PPARGC1B: variants seen among roughly 807,000 people sequenced by gnomAD.
PPARGC1B encodes the protein PPARG coactivator 1 beta, also known as peroxisome proliferator-activated receptor gamma coactivator 1-beta.
Under a neutral mutation model 101.6 loss-of-function variants are expected in PPARGC1B, and 34 were observed. That is an observed-to-expected ratio of 0.33 (90% CI 0.25 to 0.45). PPARGC1B has a LOEUF of 0.45. Among genes scored for constraint, PPARGC1B ranks in the 20% least tolerant of loss-of-function variants. The probability of loss-of-function intolerance (pLI) is 1.00; values close to 1 mark genes in which losing one functional copy is unlikely to be tolerated. For synonymous variants in PPARGC1B, 548 were observed against 539.3 expected, an observed-to-expected ratio of 1.02 and a Z score of -0.22; for missense variants, 1,234 against 1,317.6, an observed-to-expected ratio of 0.94 and a Z score of 0.98.
intron 1 of PPARGC1B, among the ~76,000 whole-genome samples, chr5:149,741,319 C>T (rs566511029): frequency 6.6e-5 from 10 of 152,334 alleles, no homozygotes; most frequent in East Asian, 5.8e-4. Flanking sequence ...CGTGGCTGCT[C>T]GCGCCTTTAT....
chr5:149,833,701 C>A lies in PPARGC1B; in HGVS notation c.1628C>A (p.Pro543His). Residue 543 changes from proline (P) to histidine (H), a missense_variant, in exon 5 of 12, where the codon CCT becomes CAT. Physicochemically the swap from Pro to His is moderately conservative, Grantham distance 77. Around this residue, in one of 3 missense-constraint regions of PPARGC1B, gnomAD observed 734 missense variants for 768.4 expected, o/e 0.96. Coordinates refer to ENST00000309241, the MANE Select transcript of PPARGC1B (RefSeq NM_133263.4). This position sits in a 1 kb window ranked among gnomAD's most constrained non-coding sequence, Gnocchi z 4.1. ...DQQLLRGPQI[P>H]ALESPCESGC... ...CAGCTCCTACGGGGACCCCAGATCCCTGCCCTGGAGAGCCCCTGTGAGAGT... is the reference window on the plus strand; with the variant it reads ...CAGCTCCTACGGGGACCCCAGATCCATGCCCTGGAGAGCCCCTGTGAGAGT... 6.2e-7 allele frequency: 1 copy of A among 1,606,996 alleles called. No homozygotes were observed. Among genetic ancestry groups the A allele is most frequent in the East Asian group, 2.2e-5 (1 of 44,720 alleles).
intron 1 of PPARGC1B, among the ~76,000 whole-genome samples, chr5:149,812,639 G>A (rs944259984): frequency 2.0e-5 from 3 of 152,182 alleles, no homozygotes; most frequent in South Asian, 4.1e-4. Context: ...TGGATCTGCC[G>A]TCCCTGCTCT....
intron 1 of PPARGC1B, chr5:149,817,832 A>C (rs775679750): frequency 4.4e-6 from 2 of 456,744 alleles, no homozygotes; most frequent in Admixed American, 4.7e-5. Flanking sequence ...ACTTACACAC[A>C]TGCTTACCAT....
intron 1 of PPARGC1B, among the ~76,000 whole-genome samples, chr5:149,756,469 A>G (rs1755524572): frequency 6.6e-6 from 1 of 152,156 alleles, no homozygotes; most frequent in African/African-American, 2.4e-5. Context: ...AAAACAAAAA[A>G]CAAAAAACCA....
In PPARGC1B at chr5:149,845,263, T is replaced by A. The variant is rs997405238; in HGVS notation, c.2817-497T>A. ...AGATGGCAGCCAAGGAATTGGTGAC[T>A]GAGGCTGGCTTTGAAGGAGGCAGAA... On this transcript the variant is annotated intron_variant, in intron 10 of 11. Coordinates refer to ENST00000309241, the MANE Select transcript of PPARGC1B (RefSeq NM_133263.4). Among the ~76,000 whole-genome samples the A allele has an allele frequency of 2.0e-5, 3 of 152,204 alleles. No homozygotes were observed. The South Asian group carries it at 6.2e-4, about 31-fold the overall frequency.
chr5:149,845,137 A>G (rs898565210), intron 10 of PPARGC1B, among the ~76,000 whole-genome samples: 2 of 152,172 alleles, frequency 1.3e-5, no homozygotes, highest in Admixed American at 6.5e-5. Context: ...CTGTTGTCAG[A>G]GGAAGGGGAG....
intron 11 of PPARGC1B, 140 bp from the exon 12 acceptor site, chr5:149,847,318 C>A: frequency 1.3e-6 from 1 of 781,306 alleles, no homozygotes; most frequent in Non-Finnish European, 2.4e-6. Flanking sequence ...CACAGTCCAG[C>A]GCTCATCCCA....
chr5:149,842,772 C>T (rs959087308), intron 10 of PPARGC1B, among the ~76,000 whole-genome samples: 13 of 152,196 alleles, frequency 8.5e-5, no homozygotes, highest in African/African-American at 1.4e-4. Flanking sequence ...GGAGATAGTG[C>T]GGGGCAGCAG....
Position 149,832,529 on chromosome 5 carries a change from T to C in PPARGC1B, c.583-127T>C. The C allele has an allele frequency of 2.6e-6, 2 of 760,638 alleles. No homozygotes were observed. The highest frequency in any genetic ancestry group is 4.2e-6 in the Non-Finnish European group (2 of 479,508). 47.1% of individuals were successfully genotyped at this position (760,638 alleles called of 1,614,324 possible). On this transcript the variant is annotated intron_variant, in intron 4 of 11. Coordinates refer to ENST00000309241, the MANE Select transcript of PPARGC1B (RefSeq NM_133263.4). The surrounding 1 kb of genome is among the most constrained non-coding windows in gnomAD (Gnocchi z 4.9). Reference sequence around the variant, plus strand: ...TCTGTGTGGGAAGCTGGGGACGGAATGAAGGAAACCTGGCTGTTCCTATGA... The same window carrying C: ...TCTGTGTGGGAAGCTGGGGACGGAACGAAGGAAACCTGGCTGTTCCTATGA...
intron 3 of PPARGC1B, among the ~76,000 whole-genome samples, chr5:149,829,963 A>G (rs1230949471): frequency 2.3e-5 from 3 of 129,202 alleles, no homozygotes; most frequent in Non-Finnish European, 4.7e-5. Context: ...TGAACCCGTG[A>G]GGTGGAGGTT....
At chr5:149,786,074 T>C (rs972382508) in intron 1 of PPARGC1B, among the ~76,000 whole-genome samples, 3 of 151,500 alleles carry the variant, frequency 2.0e-5, no homozygotes, top group Admixed American at 2.0e-4. Flanking sequence ...AGGCATGTGC[T>C]ACAATGCCAG....
At chr5:149,755,620 T>C (rs1265355326) in intron 1 of PPARGC1B, among the ~76,000 whole-genome samples, 1 of 136,344 alleles carries the variant, frequency 7.3e-6, no homozygotes, top group African/African-American at 2.9e-5. Context: ...TTATTGTTAT[T>C]ATTATTATTA....
chr5:149,765,860 C>CAAA (rs10712476), intron 1 of PPARGC1B, among the ~76,000 whole-genome samples: 6 of 88,802 alleles, frequency 6.8e-5, no homozygotes, highest in Admixed American at 1.4e-4. Context: ...GACTCCGTCT[C>CAAA]AAAAAAAAAA....
intron 1 of PPARGC1B, among the ~76,000 whole-genome samples, chr5:149,803,388 T>C (rs1206445425): frequency 6.6e-6 from 1 of 152,152 alleles, no homozygotes; most frequent in Admixed American, 6.5e-5. Flanking sequence ...TGCCCTGTTG[T>C]GAGTGTCAAA....
chr5:149,833,321 G>A lies in PPARGC1B; in HGVS notation c.1248G>A (p.Val416=). The A allele has an allele frequency of 1.2e-6, 2 of 1,613,414 alleles. No individual in the cohort carries two copies. The highest frequency in any genetic ancestry group is 1.1e-5 in the South Asian group (1 of 91,068). ...GCCTGCGCCCACTGCGGCTGGAGGT[G>A]AAAAGGGAGGTCCGCCGGCCTGCCA... ...RPSLRPLRLE[V]KREVRRPARL... Residue 416 remains valine (V), a synonymous_variant, in exon 5 of 12, where the codon GTG becomes GTA. Transcript: ENST00000309241. This position sits in a 1 kb window ranked among gnomAD's most constrained non-coding sequence, Gnocchi z 4.1.
At chr5:149,839,503 G>A (rs1340406943) in intron 8 of PPARGC1B, among the ~76,000 whole-genome samples, 1 of 152,230 alleles carries the variant, frequency 6.6e-6, no homozygotes, top group Non-Finnish European at 1.5e-5. Context: ...TAGCCTGGAA[G>A]CATGGAGCTG....
intron 1 of PPARGC1B, among the ~76,000 whole-genome samples, chr5:149,803,812 C>T (rs578201683): frequency 3.3e-5 from 5 of 152,306 alleles, no homozygotes; most frequent in African/African-American, 7.2e-5. Context: ...CCCAGTTCTT[C>T]GCTCTGGAAC....
chr5:149,809,187 G>GATCC (rs1757723524), intron 1 of PPARGC1B, among the ~76,000 whole-genome samples: 1 of 27,106 alleles, frequency 3.7e-5, no homozygotes, highest in African/African-American at 1.3e-4. Context: ...TAGATAGATA[G>GATCC]ATAGATAGAT....
chr5:149,841,974 A>G (rs1298498349), intron 9 of PPARGC1B, among the ~76,000 whole-genome samples: 1 of 152,198 alleles, frequency 6.6e-6, no homozygotes, highest in East Asian at 1.9e-4. Flanking sequence ...AGGCATATCA[A>G]TGGTGATAAA....
Sources: gnomAD v4.1 joint callset for allele counts (sites outside exome capture counted in the v4.1 genomes callset) on GRCh38, gnomAD v4.1.1 for gene constraint, gnomAD v4.1.1 regional missense constraint, Gnocchi (gnomAD v3.1) non-coding constraint, MANE v1.5 for transcripts, NCBI Gene and HGNC (gene_info 2026-07-23, HGNC 2026-07-21) for gene names.